The following FBXL7 variants were observed in gnomAD, a reference collection of about 807,000 sequenced individuals.
FBXL7 encodes the protein F-box and leucine rich repeat protein 7, also known as F-box/LRR-repeat protein 7.
FBXL7 carries 12 observed loss-of-function variants against 38.3 expected under a neutral mutation model. The ratio of observed to expected loss-of-function variants is 0.31; its 90% CI spans 0.20 to 0.51. The LOEUF (loss-of-function observed/expected upper bound fraction) is 0.51, where lower values mean the gene tolerates loss of function less well. Among genes scored for constraint, FBXL7 ranks in the 20% least tolerant of loss-of-function variants. The pLI, the probability that FBXL7 is intolerant of heterozygous loss-of-function variation, is 0.98. For missense variants in FBXL7, 567 were observed against 676.4 expected, an observed-to-expected ratio of 0.84 and a Z score of 1.79; for synonymous variants, 297 against 300.9, an observed-to-expected ratio of 0.99 and a Z score of 0.13.
chr5:15,813,455 C>A (rs1301783698), intron 2 of FBXL7, among the ~76,000 whole-genome samples: 2 of 152,052 alleles, frequency 1.3e-5, no homozygotes, highest in Non-Finnish European at 2.9e-5. Context: ...ACATGTAAGA[C>A]CTAAAACCTT....
chr5:15,895,202 T>C (rs909409843), intron 2 of FBXL7, among the ~76,000 whole-genome samples: 12 of 152,356 alleles, frequency 7.9e-5, no homozygotes, highest in Non-Finnish European at 1.5e-4. Context: ...TGGAAAGATA[T>C]ATATCAAAAA....
chr5:15,715,153 A>T (rs1203956153), intron 2 of FBXL7, among the ~76,000 whole-genome samples: 2 of 152,134 alleles, frequency 1.3e-5, no homozygotes, highest in Non-Finnish European at 2.9e-5. Context: ...TCAATAGGAA[A>T]CTATATATAT....
intron 2 of FBXL7, among the ~76,000 whole-genome samples, chr5:15,813,810 A>G (rs1289359299): frequency 3.9e-5 from 6 of 152,262 alleles, no homozygotes; most frequent in Non-Finnish European, 8.8e-5. Flanking sequence ...TTATGCGGTC[A>G]ACAAACATGA....
chr5:15,809,254 C>T (rs548803018), intron 2 of FBXL7, among the ~76,000 whole-genome samples: 1 of 152,270 alleles, frequency 6.6e-6, no homozygotes, highest in Admixed American at 6.5e-5. Context: ...TTGGGATTGC[C>T]TGTGGGAAAT....
At chr5:15,547,504 T>G (rs1239656433) in intron 1 of FBXL7, among the ~76,000 whole-genome samples, 1 of 152,182 alleles carries the variant, frequency 6.6e-6, no homozygotes, top group Non-Finnish European at 1.5e-5. Flanking sequence ...CACAAGTTAC[T>G]TGAAGCAGTT....
intron 1 of FBXL7, among the ~76,000 whole-genome samples, chr5:15,555,271 C>T (rs139908291): frequency 2.0e-5 from 3 of 152,266 alleles, no homozygotes; most frequent in East Asian, 1.9e-4. Context: ...TTCTTACTTC[C>T]GGTACAGAGG....
chr5:15,794,636 A>G (rs2126734633), intron 2 of FBXL7, among the ~76,000 whole-genome samples: 1 of 152,298 alleles, frequency 6.6e-6, no homozygotes, highest in African/African-American at 2.4e-5. Context: ...TTTTGCTCAC[A>G]GATTCTGGGG....
chr5:15,845,887 C>G (rs149276842), intron 2 of FBXL7, among the ~76,000 whole-genome samples: 1 of 152,162 alleles, frequency 6.6e-6, no homozygotes, highest in Non-Finnish European at 1.5e-5. Context: ...AGGAGAATGG[C>G]GTGAACCCCA....
intron 2 of FBXL7, among the ~76,000 whole-genome samples, chr5:15,864,426 C>T (rs560095968): frequency 3.3e-4 from 50 of 150,938 alleles, no homozygotes; most frequent in African/African-American, 1.0e-3. Flanking sequence ...TTCTGAATTA[C>T]TCAGCCTAGG....
rs1003087835 is a variant in FBXL7, at chr5:15,919,286, A to G, written c.128-8604A>G. 2.0e-5 allele frequency among the ~76,000 whole-genome samples: 3 copies of G among 152,196 alleles called. No homozygotes were observed. The East Asian group carries it at 5.8e-4, about 29-fold the overall frequency. On this transcript the variant is annotated intron_variant, in intron 2 of 3. Coordinates refer to ENST00000504595, the MANE Select transcript of FBXL7 (RefSeq NM_012304.5). ...CAGTGGTTTGAAATTAAAAATTTGTACAAAACAGGCAGCTATCTAGTTAAA... is the reference window on the plus strand; with the variant it reads ...CAGTGGTTTGAAATTAAAAATTTGTGCAAAACAGGCAGCTATCTAGTTAAA...
intron 2 of FBXL7, among the ~76,000 whole-genome samples, chr5:15,791,071 A>AGGG (rs70938030): frequency 6.8e-5 from 7 of 103,390 alleles, no homozygotes; most frequent in South Asian, 7.4e-4. Context: ...GTTGTGTAAA[A>AGGG]GGGGGGGGGG....
chr5:15,877,643 A>C (rs2126314605), intron 2 of FBXL7, among the ~76,000 whole-genome samples: 1 of 152,288 alleles, frequency 6.6e-6, no homozygotes, highest in East Asian at 1.9e-4. Context: ...TCTGTAATAG[A>C]GGAAATTAAT....
chr5:15,738,773 G>A (rs776810186), intron 2 of FBXL7, among the ~76,000 whole-genome samples: 5 of 152,184 alleles, frequency 3.3e-5, no homozygotes, highest in Non-Finnish European at 7.3e-5. Flanking sequence ...TGGCAGTGTC[G>A]TTATTCAAGA....
chr5:15,524,727 T>C (rs1737202264), intron 1 of FBXL7, among the ~76,000 whole-genome samples: 1 of 152,378 alleles, frequency 6.6e-6, no homozygotes, highest in East Asian at 1.9e-4. Flanking sequence ...TTAGATGATG[T>C]GTTAGACTCC....
chr5:15,872,412 A>C (rs1740005956), intron 2 of FBXL7, among the ~76,000 whole-genome samples: 1 of 151,712 alleles, frequency 6.6e-6, no homozygotes, highest in Admixed American at 6.6e-5. Context: ...CACACATAAC[A>C]ATAACAATAA....
intron 2 of FBXL7, among the ~76,000 whole-genome samples, chr5:15,924,490 A>G (rs1478825636): frequency 6.6e-6 from 1 of 152,130 alleles, no homozygotes; most frequent in Non-Finnish European, 1.5e-5. Context: ...CCCCAAACTC[A>G]GTGTTTAAAA....
chr5:15,611,505 A>C lies in FBXL7; in HGVS notation c.38-4478A>C, dbSNP rs1372593569. ...CATTGAGTTCCATGACAGTGCATCA[A>C]TAATATGTATTAAATAAGATGTCTT... is the stretch of plus-strand genomic sequence containing the variant. On this transcript the variant is annotated intron_variant, in intron 1 of 3. Coordinates refer to ENST00000504595, the MANE Select transcript of FBXL7 (RefSeq NM_012304.5). Among the ~76,000 whole-genome samples, 3 of 152,140 alleles carry C rather than the reference A, an allele frequency of 2.0e-5. No homozygotes were observed. In the East Asian group the frequency reaches 5.8e-4, roughly 29 times the overall value.
chr5:15,926,759 C>G (rs767997384), intron 2 of FBXL7, among the ~76,000 whole-genome samples: 15 of 151,986 alleles, frequency 9.9e-5, no homozygotes, highest in Admixed American at 2.0e-4. Flanking sequence ...TTTCCAGTTA[C>G]CCAAGGACTG....
chr5:15,633,037 T>C (rs1414966981), intron 2 of FBXL7, among the ~76,000 whole-genome samples: 3 of 152,118 alleles, frequency 2.0e-5, no homozygotes, highest in Non-Finnish European at 2.9e-5. Flanking sequence ...TAAAGAACAA[T>C]GTTTAATGAT....
Sources: gnomAD v4.1 joint callset for allele counts (sites outside exome capture counted in the v4.1 genomes callset) on GRCh38, gnomAD v4.1.1 for gene constraint, MANE v1.5 for transcripts, NCBI Gene and HGNC (gene_info 2026-07-23, HGNC 2026-07-21) for gene names.